The following FHOD3 variants were observed in gnomAD, a reference collection of about 807,000 sequenced individuals.
The protein encoded by FHOD3 is FH1/FH2 domain-containing protein 3.
Under a neutral mutation model 173.0 loss-of-function variants are expected in FHOD3, and 90 were observed. That is an observed-to-expected ratio of 0.52 (90% CI 0.44 to 0.62). FHOD3 has a LOEUF of 0.62. Among genes scored for constraint, FHOD3 ranks in the 20% least tolerant of loss-of-function variants. The pLI is 0.00. For missense variants in FHOD3, 1,945 were observed against 2,034.7 expected, an observed-to-expected ratio of 0.96 and a Z score of 0.85; for synonymous variants, 828 against 823.0, an observed-to-expected ratio of 1.01 and a Z score of -0.10.
chr18:36,712,825 C>G (rs138604890), intron 18 of FHOD3, among the ~76,000 whole-genome samples: 21 of 149,064 alleles, frequency 1.4e-4, no homozygotes, highest in African/African-American at 5.0e-4. Flanking sequence ...GATAATCAAA[C>G]TTATGAAAAC....
intron 5 of FHOD3, among the ~76,000 whole-genome samples, chr18:36,542,413 G>T (rs2057260271): frequency 6.6e-6 from 1 of 152,110 alleles, no homozygotes; most frequent in South Asian, 2.1e-4. Flanking sequence ...AATAAAAACA[G>T]TAGATGGCCT....
intron 5 of FHOD3, among the ~76,000 whole-genome samples, chr18:36,521,859 C>G (rs1047271869): frequency 6.6e-6 from 1 of 152,154 alleles, no homozygotes; most frequent in Non-Finnish European, 1.5e-5. Flanking sequence ...TCCACTGCAG[C>G]CACTCCCTGC....
chr18:36,526,284 T>G (rs1447218835), intron 5 of FHOD3, among the ~76,000 whole-genome samples: 1 of 151,872 alleles, frequency 6.6e-6, no homozygotes, highest in South Asian at 2.1e-4. Flanking sequence ...TCATTCTTTT[T>G]TTCCCCCCTC....
intron 3 of FHOD3, among the ~76,000 whole-genome samples, chr18:36,465,839 T>C (rs1246395455): frequency 6.6e-6 from 1 of 152,160 alleles, no homozygotes; most frequent in African/African-American, 2.4e-5. Flanking sequence ...TTTCCTTCTC[T>C]AATCTAAATC....
At chr18:36,709,044 C>G in intron 17 of FHOD3, 51 bp from the exon 18 acceptor site, 1 of 1,579,490 alleles carries the variant, frequency 6.3e-7, no homozygotes, top group Non-Finnish European at 8.6e-7. Flanking sequence ...CCTCACTTCA[C>G]CCTTCCAAGA....
chr18:36,450,402 G>C (rs183684753), intron 3 of FHOD3, among the ~76,000 whole-genome samples: 349 of 152,164 alleles, frequency 2.3e-3, no homozygotes, highest in Non-Finnish European at 4.2e-3. Context: ...AAGTGGTTAA[G>C]ATAGGATGAG....
intron 3 of FHOD3, among the ~76,000 whole-genome samples, chr18:36,469,596 C>T (rs1423445111): frequency 6.6e-6 from 1 of 152,212 alleles, no homozygotes; most frequent in African/African-American, 2.4e-5. Context: ...AGAAATCAAA[C>T]CCTTTGACAT....
intron 5 of FHOD3, among the ~76,000 whole-genome samples, chr18:36,531,213 A>C (rs778911600): frequency 1.3e-5 from 2 of 152,076 alleles, no homozygotes; most frequent in South Asian, 4.1e-4. Flanking sequence ...CTGCATCATG[A>C]ACAGAAGGAA....
intron 5 of FHOD3, among the ~76,000 whole-genome samples, chr18:36,556,191 T>C (rs532317913): frequency 8.5e-5 from 13 of 152,328 alleles, no homozygotes; most frequent in Non-Finnish European, 1.8e-4. Flanking sequence ...AATTCCATTA[T>C]CTTCATGGTT....
chr18:36,577,078 G>A (rs1242325604), intron 6 of FHOD3, among the ~76,000 whole-genome samples: 1 of 149,932 alleles, frequency 6.7e-6, no homozygotes, highest in East Asian at 2.0e-4. Flanking sequence ...GGGTGATGGA[G>A]CAAGACTCTG....
rs1255051070 is a variant in FHOD3 at position 36,297,961 on chromosome 18, G to C, written c.126G>C (p.Gln42His). The stretch of plus-strand genomic sequence containing the variant: ...GCGAGGACCTCGCGCTCGGCACCCA[G>C]CTGGCGGGGGTCCATAGGCTGCTGC... Reference protein sequence around the residue: ...TFREDLALGTQLAGVHRLLQA... With the variant: ...TFREDLALGTHLAGVHRLLQA... Residue 42 changes from glutamine (Q) to histidine (H), a missense_variant, in exon 1 of 29, where the codon CAG (glutamine) becomes CAC (histidine). Gln to His is a conservative substitution (Grantham distance 24, BLOSUM62 0). Coordinates refer to ENST00000590592, the MANE Select transcript of FHOD3 (RefSeq NM_001281740.3). 2 of 1,565,626 alleles carry C rather than the reference G, an allele frequency of 1.3e-6. No individual in the cohort carries two copies. The highest frequency in any genetic ancestry group is 1.4e-5 in the African/African-American group (1 of 72,334).
intron 1 of FHOD3, among the ~76,000 whole-genome samples, chr18:36,321,500 C>T (rs16967740): frequency 0.031 from 4,688 of 152,270 alleles, 231 homozygotes; most frequent in African/African-American, 0.11. Context: ...TGGCTTGGAG[C>T]TTTCTGCAAA....
intron 3 of FHOD3, among the ~76,000 whole-genome samples, chr18:36,439,980 T>C (rs542330574): frequency 2.9e-4 from 44 of 152,246 alleles, no homozygotes; most frequent in Non-Finnish European, 1.5e-4. Flanking sequence ...TTTCTAGAAA[T>C]GCCCTCACAG....
chr18:36,494,917 C>G (rs376402195), intron 3 of FHOD3, among the ~76,000 whole-genome samples: 1 of 152,246 alleles, frequency 6.6e-6, no homozygotes, highest in African/African-American at 2.4e-5. Flanking sequence ...AGGCATTTCC[C>G]TATGTCAGAC....
At chr18:36,682,180 T>A (rs1024450213) in intron 15 of FHOD3, among the ~76,000 whole-genome samples, 16 of 152,138 alleles carry the variant, frequency 1.1e-4, no homozygotes, top group Non-Finnish European at 2.2e-4. Context: ...TGCCTCGGCT[T>A]CTCCTTCAGC....
intron 3 of FHOD3, among the ~76,000 whole-genome samples, chr18:36,406,547 G>A (rs770724756): frequency 3.3e-5 from 5 of 152,116 alleles, no homozygotes; most frequent in Non-Finnish European, 7.4e-5. Flanking sequence ...TTTAAACGGG[G>A]TGTGTTTGGG....
At chr18:36,512,109 C>T (rs984505043) in intron 4 of FHOD3, among the ~76,000 whole-genome samples, 1 of 152,182 alleles carries the variant, frequency 6.6e-6, no homozygotes, top group African/African-American at 2.4e-5. Context: ...GTGGCCAGTC[C>T]CTTGGGACCG....
chr18:36,393,733 A>T (rs1443727680), intron 3 of FHOD3, among the ~76,000 whole-genome samples: 2 of 152,164 alleles, frequency 1.3e-5, no homozygotes, highest in Non-Finnish European at 2.9e-5. Flanking sequence ...CTAATTCTCT[A>T]AGCAGCTTAA....
chr18:36,452,084 G>A (rs1001286112), intron 3 of FHOD3, among the ~76,000 whole-genome samples: 13 of 152,260 alleles, frequency 8.5e-5, no homozygotes, highest in African/African-American at 1.4e-4. Flanking sequence ...CCCAGTGACC[G>A]GCCACGTCAT....
Sources: gnomAD v4.1 joint callset for allele counts (sites outside exome capture counted in the v4.1 genomes callset) on GRCh38, gnomAD v4.1.1 for gene constraint, MANE v1.5 for transcripts, NCBI Gene and HGNC (gene_info 2026-07-23, HGNC 2026-07-21) for gene names.